The following ALK variants were observed in gnomAD, a reference collection of about 807,000 sequenced individuals.
ALK encodes the protein ALK receptor tyrosine kinase, also known as ALK tyrosine kinase receptor.
A neutral mutation model predicts 163.1 loss-of-function variants in ALK; 74 were observed. That is an observed-to-expected ratio of 0.45 (90% confidence interval 0.38 to 0.55). ALK has a LOEUF of 0.55. Ranked by LOEUF, ALK falls within the 20% of genes least tolerant of loss-of-function variation. The pLI is 0.00. For synonymous variants in ALK, 960 were observed against 843.2 expected (o/e 1.14, Z -2.40); for missense variants, 2,063 against 2,105.3 (o/e 0.98, Z 0.39).
intron 3 of ALK, among the ~76,000 whole-genome samples, chr2:29,560,360 G>T (rs546319876): frequency 2.0e-5 from 3 of 152,312 alleles, no homozygotes; most frequent in African/African-American, 7.2e-5. Flanking sequence ...AAAAGACCAT[G>T]TATTTTATTA....
chr2:29,338,635 TTG>T (rs1667697250), intron 5 of ALK, among the ~76,000 whole-genome samples: 1 of 152,232 alleles, frequency 6.6e-6, no homozygotes, highest in Non-Finnish European at 1.5e-5. Flanking sequence ...CCTCACTTTA[TTG>T]TGTGTTTATA....
At chr2:29,625,321 A>T (rs553340478) in intron 3 of ALK, among the ~76,000 whole-genome samples, 20 of 152,346 alleles carry the variant, frequency 1.3e-4, no homozygotes, top group African/African-American at 4.8e-4. Context: ...TTCAAGACCC[A>T]TAAGTAGAAG....
chr2:29,311,728 T>C (rs368689883), intron 8 of ALK, among the ~76,000 whole-genome samples: 2 of 152,028 alleles, frequency 1.3e-5, no homozygotes, highest in South Asian at 4.1e-4. Flanking sequence ...GCCAGCTGTG[T>C]GTGGTCTAGG....
At chr2:29,712,735 T>C (rs561893144) in intron 2 of ALK, among the ~76,000 whole-genome samples, 15 of 152,322 alleles carry the variant, frequency 9.8e-5, no homozygotes, top group African/African-American at 3.6e-4. Context: ...TTAAAAAGTC[T>C]AATTTTTCTT....
At chr2:29,674,386 G>C (rs1039720739) in intron 3 of ALK, among the ~76,000 whole-genome samples, 26 of 151,458 alleles carry the variant, frequency 1.7e-4, no homozygotes, top group Middle Eastern at 3.4e-3. Context: ...TAGCATGAAG[G>C]GTTGTTGAAT....
intron 1 of ALK, among the ~76,000 whole-genome samples, chr2:29,746,633 G>C (rs1404955012): frequency 1.3e-5 from 2 of 152,186 alleles, no homozygotes; most frequent in African/African-American, 4.8e-5. Flanking sequence ...ATATGGTTTA[G>C]GTAACTTAGA....
intron 4 of ALK, among the ~76,000 whole-genome samples, chr2:29,498,279 A>G (rs1213114764): frequency 6.6e-6 from 1 of 152,194 alleles, no homozygotes; most frequent in East Asian, 1.9e-4. Context: ...GTTGGGAGAT[A>G]TCCTTCATTA....
chr2:29,324,023 C>G (rs1257405456), intron 6 of ALK, among the ~76,000 whole-genome samples: 2 of 152,182 alleles, frequency 1.3e-5, no homozygotes, highest in African/African-American at 4.8e-5. Flanking sequence ...GAATCAGAAT[C>G]TGCATTTTTA....
intron 3 of ALK, among the ~76,000 whole-genome samples, chr2:29,672,169 CT>C (rs577253254): frequency 0.045 from 5,533 of 123,786 alleles, 350 homozygotes; most frequent in African/African-American, 0.15. Context: ...GTGGCTTCTG[CT>C]TTTTTTTTTT....
intron 3 of ALK, among the ~76,000 whole-genome samples, chr2:29,574,060 A>C (rs551667558): frequency 1.8e-3 from 48 of 27,088 alleles, no homozygotes; most frequent in South Asian, 4.2e-3. Context: ...CCTATCTGAA[A>C]AAAATAAAAA....
At chr2:29,550,941 T>C (rs1310813274) in intron 3 of ALK, among the ~76,000 whole-genome samples, 1 of 152,182 alleles carries the variant, frequency 6.6e-6, no homozygotes, top group Non-Finnish European at 1.5e-5. Context: ...TGCAAACATA[T>C]TTATAAATAT....
chr2:29,655,815 T>A (rs903167899), intron 3 of ALK, among the ~76,000 whole-genome samples: 8 of 152,236 alleles, frequency 5.3e-5, no homozygotes, highest in Non-Finnish European at 1.0e-4. Flanking sequence ...TCTGAAGGAT[T>A]GTGTTTAAGC....
intron 8 of ALK, among the ~76,000 whole-genome samples, chr2:29,307,393 A>C (rs1422934821): frequency 2.0e-5 from 3 of 152,202 alleles, no homozygotes; most frequent in Non-Finnish European, 4.4e-5. Context: ...ACTTCAAGAG[A>C]AGGAAACACA....
chr2:29,804,752 A>G lies in ALK; in HGVS notation c.668-87055T>C, dbSNP rs529471277. On this transcript the variant is annotated intron_variant, in intron 1 of 28. Coordinates refer to ENST00000389048, the MANE Select transcript of ALK (RefSeq NM_004304.5). ...TAGACCCATGTTGGGGGCTAAAGAA[A>G]CTCCATCTTGGATGCTAATCTGCCA... Among the ~76,000 whole-genome samples the G allele has an allele frequency of 1.1e-4, 17 of 150,528 alleles. No homozygotes were observed. The South Asian group carries it at 3.2e-3, about 29-fold the overall frequency.
At chr2:29,620,503 G>T (rs557298710) in intron 3 of ALK, among the ~76,000 whole-genome samples, 8 of 151,130 alleles carry the variant, frequency 5.3e-5, no homozygotes, top group African/African-American at 1.7e-4. Context: ...TTGCGGGGTG[G>T]GGGGGTGGTG....
In ALK at chr2:29,193,200, A is replaced by C; in HGVS notation, c.*24T>G. On this transcript the variant is annotated 3_prime_UTR_variant, in exon 29 of 29. Transcript: ENST00000389048. ...TCCACGGTCTTAGGGATCCCAAGGA[A>C]GAGAAGTGAGTGTGCGACCGAGCTC... The C allele has an allele frequency of 2.6e-5, 41 of 1,607,668 alleles. No homozygotes were observed. Among genetic ancestry groups the C allele is most frequent in the Non-Finnish European group, 3.1e-5 (37 of 1,174,864 alleles).
intron 4 of ALK, among the ~76,000 whole-genome samples, chr2:29,454,776 C>A (rs1182562096): frequency 3.3e-5 from 5 of 152,076 alleles, no homozygotes; most frequent in African/African-American, 4.8e-5. Context: ...TTCCTATAAA[C>A]CCATCACCTA....
At chr2:29,321,321 C>T (rs527724599) in intron 6 of ALK, among the ~76,000 whole-genome samples, 2 of 152,330 alleles carry the variant, frequency 1.3e-5, no homozygotes, top group Non-Finnish European at 2.9e-5. Context: ...GTATAGCTCA[C>T]TACATTTCTA....
Position 29,389,863 on chromosome 2 carries a change from C to T in ALK, c.1155-6004G>A, listed in dbSNP as rs184631804. 1.6e-4 allele frequency among the ~76,000 whole-genome samples: 25 copies of T among 152,198 alleles called. 1 individual carries two copies. Among genetic ancestry groups the T allele is most frequent in the African/African-American group, 4.8e-4 (20 of 41,518 alleles). ...ACTCTTGGCCTCCATTTGCCAAGAG[C>T]GAATCAGAAGGAACCGGAGAATTAT... On this transcript the variant is annotated intron_variant, in intron 4 of 28. Transcript: ENST00000389048.
Sources: allele counts gnomAD v4.1 joint callset (sites outside exome capture counted in the v4.1 genomes callset), GRCh38; gene constraint gnomAD v4.1.1; transcripts MANE v1.5; gene names NCBI Gene and HGNC (gene_info 2026-07-23, HGNC 2026-07-21).